CADM2: variants seen among roughly 807,000 people sequenced by gnomAD.
CADM2 encodes immunoglobulin superfamily member 4D.
A neutral mutation model predicts 49.8 loss-of-function variants in CADM2; 12 were observed. That is an observed-to-expected ratio of 0.24 (90% confidence interval 0.15 to 0.39). The LOEUF (loss-of-function observed/expected upper bound fraction) is 0.39, where lower values mean the gene tolerates loss of function less well. Ranked by LOEUF, CADM2 falls within the 10% of genes least tolerant of loss-of-function variation. CADM2 has a pLI of 1.00. For synonymous variants in CADM2, 214 were observed against 175.4 expected (o/e 1.22, Z -1.74); for missense variants, 378 against 492.3 (o/e 0.77, Z 2.20).
chr3:85,179,346 T>C, intron 1 of CADM2, among the ~76,000 whole-genome samples: 1 of 152,052 alleles, frequency 6.6e-6, no homozygotes. Flanking sequence ...TAAAAGTGTG[T>C]ATATGTATAA....
chr3:85,910,124 C>A (rs766037677), intron 5 of CADM2, among the ~76,000 whole-genome samples: 1 of 152,098 alleles, frequency 6.6e-6, no homozygotes, highest in Non-Finnish European at 1.5e-5. Flanking sequence ...TTAAATGCTA[C>A]TTTTGTAAGG....
chr3:85,402,071 T>G (rs1395717458), intron 1 of CADM2, among the ~76,000 whole-genome samples: 3 of 152,282 alleles, frequency 2.0e-5, no homozygotes, highest in South Asian at 2.1e-4. Flanking sequence ...TCTACATTTT[T>G]GGATCTTTTA....
chr3:85,058,464 G>C (rs370408025), intron 1 of CADM2, among the ~76,000 whole-genome samples: 1 of 151,292 alleles, frequency 6.6e-6, no homozygotes, highest in African/African-American at 2.4e-5. Context: ...ATTTTTTTGA[G>C]ACAGAATTTT....
intron 1 of CADM2, among the ~76,000 whole-genome samples, chr3:85,167,495 C>A (rs2040501922): frequency 6.6e-6 from 1 of 151,894 alleles, no homozygotes; most frequent in South Asian, 2.1e-4. Context: ...CTGTGAGTGC[C>A]AAATACTTTG....
intron 7 of CADM2, among the ~76,000 whole-genome samples, chr3:85,945,579 C>T (rs141539292): frequency 2.0e-5 from 3 of 152,212 alleles, no homozygotes; most frequent in African/African-American, 4.8e-5. Flanking sequence ...GCTTATCTAC[C>T]ATGATCAAGT....
intron 2 of CADM2, among the ~76,000 whole-genome samples, chr3:85,752,061 A>G (rs1277916373): frequency 2.0e-5 from 3 of 148,690 alleles, no homozygotes; most frequent in African/African-American, 7.6e-5. Flanking sequence ...AAAGAAGTGG[A>G]TAGTGTATAG....
intron 2 of CADM2, among the ~76,000 whole-genome samples, chr3:85,799,528 T>A (rs2071859912): frequency 6.6e-6 from 1 of 152,210 alleles, no homozygotes; most frequent in Non-Finnish European, 1.5e-5. Context: ...ATTGAGATAA[T>A]CATGTGGTTT....
chr3:85,538,062 C>T (rs1237213300), intron 1 of CADM2, among the ~76,000 whole-genome samples: 1 of 152,016 alleles, frequency 6.6e-6, no homozygotes, highest in Non-Finnish European at 1.5e-5. Flanking sequence ...TATTGTTCTT[C>T]CCCTTATCAA....
At chr3:85,312,058 C>T (rs1370085913) in intron 1 of CADM2, among the ~76,000 whole-genome samples, 1 of 151,932 alleles carries the variant, frequency 6.6e-6, no homozygotes, top group African/African-American at 2.4e-5. Flanking sequence ...TTAAAGGCCT[C>T]TTTTTTAAAC....
intron 1 of CADM2, among the ~76,000 whole-genome samples, chr3:85,614,346 T>C (rs2063747271): frequency 6.6e-6 from 1 of 151,650 alleles, no homozygotes; most frequent in African/African-American, 2.4e-5. Flanking sequence ...TTTTTTATAG[T>C]TAATATGTAG....
chr3:85,946,326 A>C (rs1374082011), intron 7 of CADM2, among the ~76,000 whole-genome samples: 7 of 150,670 alleles, frequency 4.6e-5, no homozygotes, highest in Non-Finnish European at 1.0e-4. Context: ...AACAGGAAGA[A>C]TCAATATGGT....
chr3:85,316,530 T>A (rs768635151), intron 1 of CADM2, among the ~76,000 whole-genome samples: 3 of 152,202 alleles, frequency 2.0e-5, no homozygotes, highest in Non-Finnish European at 4.4e-5. Flanking sequence ...TTTTGTGAAA[T>A]ATTTGTTAAA....
intron 1 of CADM2, among the ~76,000 whole-genome samples, chr3:85,593,537 A>G (rs1418036405): frequency 1.3e-5 from 2 of 152,158 alleles, no homozygotes; most frequent in Middle Eastern, 3.4e-3. Flanking sequence ...CTTAAGTGTG[A>G]ACTAAAGAAT....
intron 5 of CADM2, among the ~76,000 whole-genome samples, chr3:85,891,334 T>C (rs1321196535): frequency 6.6e-6 from 1 of 152,206 alleles, no homozygotes; most frequent in Non-Finnish European, 1.5e-5. Flanking sequence ...GATTTGCTAT[T>C]ACAAAACCAT....
chr3:85,944,479 G>T (rs1183745679), intron 7 of CADM2, among the ~76,000 whole-genome samples: 1 of 152,034 alleles, frequency 6.6e-6, no homozygotes, highest in African/African-American at 2.4e-5. Context: ...ATTCTTTTCA[G>T]CACCACAGCA....
At chr3:85,522,856 T>G (rs987059813) in intron 1 of CADM2, among the ~76,000 whole-genome samples, 1 of 152,024 alleles carries the variant, frequency 6.6e-6, no homozygotes, top group African/African-American at 2.4e-5. Context: ...CAGGAATTCT[T>G]GGAGAAAGAG....
At chr3:85,307,053 T>A (rs1025534643) in intron 1 of CADM2, among the ~76,000 whole-genome samples, 1 of 151,646 alleles carries the variant, frequency 6.6e-6, no homozygotes, top group African/African-American at 2.4e-5. Context: ...GTGTGCGTGT[T>A]TTTAGTTCTC....
At chr3:85,703,395 A>G (rs552873430) in intron 1 of CADM2, among the ~76,000 whole-genome samples, 16 of 152,274 alleles carry the variant, frequency 1.1e-4, no homozygotes, top group Non-Finnish European at 1.9e-4. Context: ...ATAAAGTCTT[A>G]TATGTACACA....
intron 8 of CADM2, chr3:86,013,579 G>A (rs1277546164): frequency 1.2e-6 from 2 of 1,601,188 alleles, no homozygotes; most frequent in Admixed American, 1.7e-5. Flanking sequence ...AGCTGTATTC[G>A]AGAAGAAACT....
Sources: allele counts gnomAD v4.1 joint callset (sites outside exome capture counted in the v4.1 genomes callset), GRCh38; gene constraint gnomAD v4.1.1; transcripts MANE v1.5; gene names NCBI Gene and HGNC (gene_info 2026-07-23, HGNC 2026-07-21).